Variants in DPP6 observed in about 807,000 individuals in gnomAD.
DPP6 encodes dipeptidyl peptidase like 6, also known as A-type potassium channel modulatory protein DPP6.
Under a neutral mutation model 122.6 loss-of-function variants are expected in DPP6, and 69 were observed. The observed-to-expected ratio is 0.56, with a 90% CI of 0.46 to 0.69. DPP6 has a LOEUF of 0.69. DPP6 is among the 30% of genes least tolerant of loss of function. The probability of loss-of-function intolerance (pLI) is 0.00; values close to 1 mark genes in which losing one functional copy is unlikely to be tolerated. For missense variants in DPP6, 928 were observed against 1,116.9 expected (o/e 0.83, Z 2.41); for synonymous variants, 418 against 433.1 (o/e 0.97, Z 0.43).
chr7:153,823,403 A>G, the DPP6 span, among the ~76,000 whole-genome samples: 2 of 145,146 alleles, frequency 1.4e-5, no homozygotes, highest in African/African-American at 5.1e-5. Flanking sequence ...TGCCCAGTTC[A>G]GCCAATGGAA....
chr7:154,640,835 T>C (rs1836038274), intron 6 of DPP6, among the ~76,000 whole-genome samples: 1 of 152,250 alleles, frequency 6.6e-6, no homozygotes, highest in South Asian at 2.1e-4. Context: ...ATTTTCTTAA[T>C]TTAGAAAACA....
At chr7:154,134,376 G>A (rs542297655) in intron 1 of DPP6, among the ~76,000 whole-genome samples, 1 of 152,258 alleles carries the variant, frequency 6.6e-6, no homozygotes, top group African/African-American at 2.4e-5. Flanking sequence ...TCCTTGTACA[G>A]GGAGGTGTGG....
intron 1 of DPP6, among the ~76,000 whole-genome samples, chr7:154,272,512 A>G (rs1229107185): frequency 6.6e-6 from 1 of 152,244 alleles, no homozygotes; most frequent in Non-Finnish European, 1.5e-5. Flanking sequence ...GACTCATTGC[A>G]AAGCACTTGG....
intron 5 of DPP6, among the ~76,000 whole-genome samples, chr7:154,592,162 C>T (rs1039659440): frequency 2.0e-5 from 3 of 152,216 alleles, no homozygotes; most frequent in Non-Finnish European, 4.4e-5. Flanking sequence ...ACCTCTGGAT[C>T]AACGGCGCCA....
intron 6 of DPP6, among the ~76,000 whole-genome samples, chr7:154,648,096 A>T (rs1445289071): frequency 5.9e-3 from 142 of 24,208 alleles, no homozygotes; most frequent in African/African-American, 0.021. Flanking sequence ...ATTAAAATTA[A>T]AAAAAAAAAA....
At chr7:154,829,666 GC>G (rs995294389) in intron 16 of DPP6, among the ~76,000 whole-genome samples, 1 of 152,132 alleles carries the variant, frequency 6.6e-6, no homozygotes, top group African/African-American at 2.4e-5. Flanking sequence ...GCAGATGGGG[GC>G]TAGCTGGCAT....
chr7:154,448,191 C>T (rs1003551918), intron 2 of DPP6, among the ~76,000 whole-genome samples: 1 of 151,882 alleles, frequency 6.6e-6, no homozygotes, highest in Non-Finnish European at 1.5e-5. Context: ...TTAAGGAATC[C>T]ACAAAAAAAC....
intron 1 of DPP6, among the ~76,000 whole-genome samples, chr7:154,168,756 C>G (rs1288229181): frequency 1.3e-5 from 2 of 152,172 alleles, no homozygotes; most frequent in African/African-American, 4.8e-5. Context: ...ATGGGAAATG[C>G]ATTTGCTCAA....
intron 1 of DPP6, among the ~76,000 whole-genome samples, chr7:154,278,033 G>A (rs972045042): frequency 6.6e-6 from 1 of 152,162 alleles, no homozygotes; most frequent in African/African-American, 2.4e-5. Context: ...TCATGCGGGC[G>A]ACAGATGTGG....
intron 3 of DPP6, among the ~76,000 whole-genome samples, chr7:154,514,040 C>T (rs564697455): frequency 2.0e-5 from 3 of 152,118 alleles, no homozygotes; most frequent in South Asian, 4.1e-4. Flanking sequence ...TTTGGGAGGC[C>T]GAGGTAGTGG....
intron 1 of DPP6, among the ~76,000 whole-genome samples, chr7:154,248,996 A>T (rs1346909311): frequency 6.6e-6 from 1 of 152,248 alleles, no homozygotes; most frequent in Non-Finnish European, 1.5e-5. Flanking sequence ...TAAGCCTATT[A>T]ATTATAAAAC....
At chr7:154,584,059 A>C (rs886432330) in intron 5 of DPP6, among the ~76,000 whole-genome samples, 4 of 151,748 alleles carry the variant, frequency 2.6e-5, no homozygotes, top group Non-Finnish European at 5.9e-5. Context: ...TATCTAAAAA[A>C]CCACCTCTGC....
At chr7:154,080,486 T>A (rs895129778) in intron 1 of DPP6, among the ~76,000 whole-genome samples, 4 of 152,222 alleles carry the variant, frequency 2.6e-5, no homozygotes, top group African/African-American at 9.6e-5. Context: ...TTGATGTTAT[T>A]GCACAAATTA....
At chr7:154,750,885 G>A (rs75943710) in intron 8 of DPP6, among the ~76,000 whole-genome samples, 22,509 of 152,088 alleles carry the variant, frequency 0.15, 1,804 homozygotes, top group Non-Finnish European at 0.17. Flanking sequence ...GAGAAGGACG[G>A]CTCAGGTGAG....
intron 1 of DPP6, among the ~76,000 whole-genome samples, chr7:154,116,738 T>A (rs571046037): frequency 9.2e-5 from 14 of 152,360 alleles, no homozygotes; most frequent in African/African-American, 3.1e-4. Flanking sequence ...TCAAGCCAAA[T>A]GTTTGTTTAA....
intron 6 of DPP6, among the ~76,000 whole-genome samples, chr7:154,645,222 C>T (rs1247045825): frequency 5.3e-5 from 8 of 151,806 alleles, no homozygotes; most frequent in African/African-American, 9.7e-5. Context: ...CCCACCACCA[C>T]GCCCGGCTAA....
chr7:154,153,074 G>A (rs1417206496), intron 1 of DPP6, among the ~76,000 whole-genome samples: 2 of 152,242 alleles, frequency 1.3e-5, no homozygotes, highest in African/African-American at 2.4e-5. Context: ...TGGCCCTGAC[G>A]TTAGTCTTTG....
chr7:154,264,765 TAATG>T (rs548181591), intron 1 of DPP6, among the ~76,000 whole-genome samples: 126 of 149,746 alleles, frequency 8.4e-4, no homozygotes, highest in Middle Eastern at 6.9e-3. Context: ...ATGATAGTGA[TAATG>T]ATGATGATCC....
intron 7 of DPP6, among the ~76,000 whole-genome samples, chr7:154,707,902 G>T (rs1182250664): frequency 6.6e-6 from 1 of 152,114 alleles, no homozygotes; most frequent in Non-Finnish European, 1.5e-5. Flanking sequence ...CCAACATGTG[G>T]GAATTATGGG....
Sources: gnomAD v4.1 joint callset for allele counts (sites outside exome capture counted in the v4.1 genomes callset) on GRCh38, gnomAD v4.1.1 for gene constraint, MANE v1.5 for transcripts, NCBI Gene and HGNC (gene_info 2026-07-23, HGNC 2026-07-21) for gene names.